DNAAF4: variants seen among roughly 807,000 people sequenced by gnomAD.
DNAAF4 encodes dynein axonemal assembly factor 4.
DNAAF4 carries 43 observed loss-of-function variants against 51.8 expected under a neutral mutation model. That is an observed-to-expected ratio of 0.83 (90% CI 0.65 to 1.07). The LOEUF (loss-of-function observed/expected upper bound fraction) is 1.07, where lower values mean the gene tolerates loss of function less well. DNAAF4 is among the 50% of genes least tolerant of loss of function. The pLI, the probability that DNAAF4 is intolerant of heterozygous loss-of-function variation, is 0.00. For synonymous variants in DNAAF4, 194 were observed against 165.6 expected (o/e 1.17, Z -1.32); for missense variants, 581 against 493.0 (o/e 1.18, Z -1.69).
intron 7 of DNAAF4, among the ~76,000 whole-genome samples, chr15:55,419,193 G>A (rs539004989): frequency 2.5e-4 from 38 of 151,996 alleles, no homozygotes; most frequent in African/African-American, 8.9e-4. Flanking sequence ...TGAGATTACA[G>A]GTGTGAGTCA....
intron 6 of DNAAF4, chr15:55,443,292 G>A: frequency 6.9e-7 from 1 of 1,445,716 alleles, no homozygotes; most frequent in South Asian, 1.2e-5. Context: ...GCAGGCGCCT[G>A]CCTACCGGTG....
chr15:55,429,659 T>C (rs573195916), downstream of DNAAF4, among the ~76,000 whole-genome samples: 2 of 151,364 alleles, frequency 1.3e-5, no homozygotes, highest in Admixed American at 6.6e-5. Context: ...CTACTAAAAA[T>C]GCAAAAAATT....
intron 5 of DNAAF4, among the ~76,000 whole-genome samples, chr15:55,452,895 A>G (rs951122595): frequency 1.3e-5 from 2 of 152,132 alleles, no homozygotes; most frequent in African/African-American, 4.8e-5. Context: ...ATGAAACTAG[A>G]ATCATAGAAG....
intron 4 of DNAAF4, among the ~76,000 whole-genome samples, chr15:55,476,927 T>C (rs1175091821): frequency 1.3e-5 from 2 of 152,230 alleles, no homozygotes; most frequent in South Asian, 2.1e-4. Flanking sequence ...TCCCCGAACT[T>C]TGGGAGGCCA....
chr15:55,501,145 C>A (rs571952779), intron 1 of DNAAF4, among the ~76,000 whole-genome samples: 1 of 144,426 alleles, frequency 6.9e-6, no homozygotes, highest in Non-Finnish European at 1.5e-5. Flanking sequence ...CTCACTGCAA[C>A]CTCCACCTCC....
chr15:55,426,908 G>A (rs2057435419), downstream of DNAAF4, among the ~76,000 whole-genome samples: 4 of 152,140 alleles, frequency 2.6e-5, no homozygotes. Flanking sequence ...TCCTGCTTCA[G>A]CTACCCTATA....
Position 55,497,848 on chromosome 15 carries a change from A to C in DNAAF4, c.135T>G (p.Pro45=), listed in dbSNP as rs376383092. The part of the protein sequence containing the change: ...CTENYLKVNF[P]PFLFEAFLYA... ...AAAGAAATGCCTCAAATAAAAATGG[A>C]GGAAAGTTGACCTATGCAGAAGGGT... Residue 45 remains proline (P), a synonymous_variant, in exon 3 of 10, where the codon CCT becomes CCG. Transcript: ENST00000321149. The C allele has an allele frequency of 5.0e-6, 8 of 1,610,872 alleles. No individual in the cohort carries two copies. Among genetic ancestry groups the C allele is most frequent in the Middle Eastern group, 3.3e-4 (2 of 6,074 alleles).
intron 7 of DNAAF4, among the ~76,000 whole-genome samples, chr15:55,438,338 C>T (rs559407862): frequency 2.7e-4 from 30 of 112,430 alleles, no homozygotes; most frequent in African/African-American, 5.1e-4. Flanking sequence ...GGACCAAGAG[C>T]GAGACTTTGT....
In DNAAF4 at chr15:55,433,790, T is replaced by C. The variant is rs549739785; in HGVS notation, c.1047+1115A>G. Among the ~76,000 whole-genome samples, 366 of 103,702 alleles carry C rather than the reference T, an allele frequency of 3.5e-3. 4 individuals are homozygous for C. Among genetic ancestry groups the C allele is most frequent in the African/African-American group, 0.013 (347 of 26,558 alleles). The allele number at this position is 103,702 out of a possible 152,430, so 68.0% of individuals were successfully genotyped here. ...TATAATTGTTTTTATAAAACAAATA[T>C]ATATATTTGTTTTATATATATAATA... On this transcript the variant is annotated intron_variant, in intron 8 of 9. Transcript: ENST00000321149.
chr15:55,494,309 G>A (rs1214859640), intron 3 of DNAAF4, among the ~76,000 whole-genome samples: 4 of 151,450 alleles, frequency 2.6e-5, no homozygotes, highest in Non-Finnish European at 5.9e-5. Context: ...GATTACAGGC[G>A]TGAGCCAGCG....
intron 4 of DNAAF4, among the ~76,000 whole-genome samples, chr15:55,490,352 C>A (rs1310350394): frequency 3.3e-5 from 5 of 151,974 alleles, no homozygotes; most frequent in Non-Finnish European, 7.4e-5. Flanking sequence ...AATGGTTACA[C>A]AACTCTGAAT....
chr15:55,490,639 T>A (rs142650690), intron 4 of DNAAF4, among the ~76,000 whole-genome samples: 1 of 152,302 alleles, frequency 6.6e-6, no homozygotes, highest in South Asian at 2.1e-4. Flanking sequence ...TTTTACACCT[T>A]TGACTTTCAT....
At chr15:55,457,033 T>A (rs555770433) in intron 5 of DNAAF4, among the ~76,000 whole-genome samples, 1 of 152,292 alleles carries the variant, frequency 6.6e-6, no homozygotes, top group South Asian at 2.1e-4. Context: ...CAGAAATTGG[T>A]GGCAGAGGGG....
intron 4 of DNAAF4, among the ~76,000 whole-genome samples, chr15:55,477,600 T>C (rs1040575203): frequency 1.3e-5 from 2 of 151,918 alleles, no homozygotes; most frequent in East Asian, 3.9e-4. Flanking sequence ...CACTGAAAAA[T>C]AAATTTTAAA....
chr15:55,490,628 C>A (rs1314236048), intron 4 of DNAAF4, among the ~76,000 whole-genome samples: 3 of 152,154 alleles, frequency 2.0e-5, no homozygotes, highest in Non-Finnish European at 2.9e-5. Context: ...AACTGTCCAA[C>A]TTTTACACCT....
intron 4 of DNAAF4, among the ~76,000 whole-genome samples, chr15:55,477,016 C>A (rs939287004): frequency 3.3e-5 from 5 of 151,782 alleles, no homozygotes; most frequent in African/African-American, 9.7e-5. Context: ...ACTAAAAATA[C>A]AAAAAATTAG....
intron 4 of DNAAF4, among the ~76,000 whole-genome samples, chr15:55,481,397 C>A (rs979240133): frequency 1.3e-5 from 2 of 152,160 alleles, no homozygotes; most frequent in Non-Finnish European, 2.9e-5. Context: ...TGGCTCCTTC[C>A]CCTAGCCAGC....
chr15:55,428,689 G>A (rs1461893083), downstream of DNAAF4, among the ~76,000 whole-genome samples: 2 of 149,760 alleles, frequency 1.3e-5, no homozygotes, highest in African/African-American at 2.4e-5. Context: ...GGAGAGGGGG[G>A]TTTCACCATG....
chr15:55,417,760 GT>G (rs2057349565), exon 8 of DNAAF4: 1 of 190,428 alleles, frequency 5.3e-6, no homozygotes, highest in Non-Finnish European at 1.1e-5. Context: ...CAGGCTTTGT[GT>G]GAGCAATAAA....
Sources: allele counts gnomAD v4.1 joint callset (sites outside exome capture counted in the v4.1 genomes callset), GRCh38; gene constraint gnomAD v4.1.1; transcripts MANE v1.5; gene names NCBI Gene and HGNC (gene_info 2026-07-23, HGNC 2026-07-21).